Variants in GABRA2 observed in about 807,000 individuals in gnomAD.
GABRA2 encodes gamma-aminobutyric acid type A receptor subunit alpha2.
GABRA2 carries 16 observed loss-of-function variants against 48.7 expected under a neutral mutation model. That is an observed-to-expected ratio of 0.33 (90% confidence interval 0.22 to 0.50). The LOEUF is 0.50. Among genes scored for constraint, GABRA2 ranks in the 20% least tolerant of loss-of-function variants. The pLI, the probability that GABRA2 is intolerant of heterozygous loss-of-function variation, is 0.98. For synonymous variants in GABRA2, 185 were observed against 184.5 expected (o/e 1.00, Z -0.02); for missense variants, 275 against 535.6 (o/e 0.51, Z 4.80).
At chr4:46,311,984 A>G (rs1727721797) in intron 5 of GABRA2, among the ~76,000 whole-genome samples, 1 of 152,278 alleles carries the variant, frequency 6.6e-6, no homozygotes, top group African/African-American at 2.4e-5. Flanking sequence ...CTGTAGTATC[A>G]GCTACTTGGG....
In GABRA2 at chr4:46,247,897, G is replaced by A. The variant is rs1714005016; in HGVS notation, c.*2411C>T. ...TGTAAAAAGTACATCAAAGTTTAAAGAAATAACAAAGAATTCTGATCCCTA... is the reference window on the plus strand; with the variant it reads ...TGTAAAAAGTACATCAAAGTTTAAAAAAATAACAAAGAATTCTGATCCCTA... On this transcript the variant is annotated 3_prime_UTR_variant, in exon 10 of 10. Transcript: ENST00000381620. Among the ~76,000 whole-genome samples the A allele has an allele frequency of 6.6e-6, 1 of 151,204 alleles. No homozygotes were observed. Among genetic ancestry groups the A allele is most frequent in the East Asian group, 2.0e-4 (1 of 5,104 alleles).
At chr4:46,261,887 T>C (rs764123553) in intron 9 of GABRA2, 39 bp downstream of exon 9, 4 of 1,489,306 alleles carry the variant, frequency 2.7e-6, no homozygotes, top group Admixed American at 3.3e-5. Flanking sequence ...TTCATTAGGG[T>C]ATTTTCTTAA....
At chr4:46,271,903 C>T (rs574476373) in intron 8 of GABRA2, among the ~76,000 whole-genome samples, 1 of 151,868 alleles carries the variant, frequency 6.6e-6, no homozygotes, top group African/African-American at 2.4e-5. Context: ...TTTTGTCAGT[C>T]TAGGGAATTG....
chr4:46,364,442 T>C (rs1713720437), intron 3 of GABRA2: 1 of 152,218 alleles, frequency 6.6e-6, no homozygotes. Context: ...CATAGTTCTG[T>C]AGGTCAGAAG....
chr4:46,312,818 C>G, intron 4 of GABRA2, 102 bp from the exon 5 acceptor site: 1 of 633,716 alleles, frequency 1.6e-6, no homozygotes, highest in Non-Finnish European at 2.6e-6. Flanking sequence ...ACAGAGAGAG[C>G]TATATTGAAA....
rs572735766 is a variant in GABRA2, at chr4:46,333,693, C to T, written c.188-1011G>A. ...TAGACTTTGAATGCCTACTACATAC[C>T]AGGTACTCTTTAAAGCACCTGAAAT... On this transcript the variant is annotated intron_variant, in intron 3 of 9. Coordinates refer to ENST00000381620, the MANE Select transcript of GABRA2 (RefSeq NM_000807.4). Among the ~76,000 whole-genome samples the T allele has an allele frequency of 2.6e-5, 4 of 152,100 alleles. No homozygotes were observed. In the South Asian group the frequency reaches 8.3e-4, roughly 32 times the overall value.
At chr4:46,370,911 C>T (rs1379523086) in intron 3 of GABRA2, among the ~76,000 whole-genome samples, 2 of 151,826 alleles carry the variant, frequency 1.3e-5, no homozygotes, top group East Asian at 3.9e-4. Context: ...ACACACACAA[C>T]ACACACACAC....
intron 8 of GABRA2, among the ~76,000 whole-genome samples, chr4:46,294,443 AT>A (rs1724252718): frequency 6.6e-6 from 1 of 152,192 alleles, no homozygotes; most frequent in South Asian, 2.1e-4. Context: ...ACCTATTTAG[AT>A]TTTGGAGACA....
chr4:46,261,041 G>A, intron 9 of GABRA2: 1 of 151,882 alleles, frequency 6.6e-6, no homozygotes. Context: ...TTGATACAAT[G>A]TTAAAGATAT....
chr4:46,325,611 T>C (rs1730220207), intron 4 of GABRA2, among the ~76,000 whole-genome samples: 2 of 152,090 alleles, frequency 1.3e-5, no homozygotes, highest in South Asian at 4.1e-4. Context: ...TTGTTTTTGT[T>C]ATAATTGCTT....
chr4:46,310,335 C>A, intron 5 of GABRA2, 80 bp from the exon 6 acceptor site: 1 of 949,460 alleles, frequency 1.1e-6, no homozygotes, highest in South Asian at 1.4e-5. Context: ...TCAACAGACT[C>A]GATAGAGGTA....
At chr4:46,264,207 T>C (rs1370621144) in intron 8 of GABRA2, among the ~76,000 whole-genome samples, 1 of 152,094 alleles carries the variant, frequency 6.6e-6, no homozygotes, top group African/African-American at 2.4e-5. Flanking sequence ...ATTTGTTTAA[T>C]AGCTGTAACA....
At chr4:46,375,935 T>C (rs1395106968) in intron 3 of GABRA2, among the ~76,000 whole-genome samples, 2 of 152,220 alleles carry the variant, frequency 1.3e-5, no homozygotes, top group Admixed American at 6.5e-5. Flanking sequence ...CTAACTCCAG[T>C]TAAATGGTAC....
rs1720070019 is a variant in GABRA2 at position 46,274,301 on chromosome 4, G to A, written c.857-12173C>T. Reference sequence around the variant, plus strand: ...ATACAAACCCAGGTAACCTAACTCAGAAGTCCACACTCTTTACTGCTAAAT... The same window carrying A: ...ATACAAACCCAGGTAACCTAACTCAAAAGTCCACACTCTTTACTGCTAAAT... On this transcript the variant is annotated intron_variant, in intron 8 of 9. Coordinates refer to ENST00000381620, the MANE Select transcript of GABRA2 (RefSeq NM_000807.4). Among the ~76,000 whole-genome samples the A allele has an allele frequency of 2.6e-5, 4 of 152,204 alleles. No homozygotes were observed. The South Asian group carries it at 8.3e-4, about 31-fold the overall frequency.
rs1159388039 is a variant in GABRA2 at position 46,297,500 on chromosome 4, TATATATATATATATATGGAGAACTGA to T, written c.856+5934_856+5959del. ...CCATATATATATATATATATATATA[TATATATATATATATATGGAGAACTGA>T]TATATACACTCTAGAGAACCCTAAT... On this transcript the variant is annotated intron_variant, in intron 8 of 9. Transcript: ENST00000381620. Among the ~76,000 whole-genome samples the T allele has an allele frequency of 6.3e-3, 437 of 69,582 alleles. 9 individuals are homozygous for T. The highest frequency in any genetic ancestry group is 0.022 in the African/African-American group (411 of 19,014). The allele number at this position is 69,582 out of a possible 152,430, so 45.6% of individuals were successfully genotyped here.
chr4:46,341,348 C>T (rs951236348), intron 3 of GABRA2, among the ~76,000 whole-genome samples: 1 of 151,882 alleles, frequency 6.6e-6, no homozygotes, highest in Non-Finnish European at 1.5e-5. Flanking sequence ...TATGATAACT[C>T]TAAAGATAAA....
In GABRA2 at chr4:46,257,740, TAAG is replaced by T. The variant is rs543470673; in HGVS notation, c.1059+4183_1059+4185del. Among the ~76,000 whole-genome samples, 715 of 151,670 alleles carry T rather than the reference TAAG, an allele frequency of 4.7e-3. 4 individuals are homozygous for T. The highest frequency in any genetic ancestry group is 5.8e-3 in the African/African-American group (242 of 41,470). ...ACTCTGACAGTAATGTAGAGATAGA[TAAG>T]AAGAAGACATGATTAAAAATAGAAA... On this transcript the variant is annotated intron_variant, in intron 9 of 9. Transcript: ENST00000381620.
At chr4:46,271,574 A>G (rs1719343262) in intron 8 of GABRA2, among the ~76,000 whole-genome samples, 2 of 152,026 alleles carry the variant, frequency 1.3e-5, no homozygotes, top group African/African-American at 4.8e-5. Context: ...TCTCTGTGTT[A>G]GAGAGAGAAA....
At chr4:46,374,828 C>A (rs1419917317) in intron 3 of GABRA2, among the ~76,000 whole-genome samples, 1 of 141,370 alleles carries the variant, frequency 7.1e-6, no homozygotes, top group East Asian at 1.9e-4. Flanking sequence ...TACTGATATG[C>A]TTCTATACAA....
Sources: gnomAD v4.1 joint callset for allele counts (sites outside exome capture counted in the v4.1 genomes callset) on GRCh38, gnomAD v4.1.1 for gene constraint, MANE v1.5 for transcripts, NCBI Gene and HGNC (gene_info 2026-07-23, HGNC 2026-07-21) for gene names.